ZRANB3: variants seen among roughly 807,000 people sequenced by gnomAD.
The protein encoded by ZRANB3 is zinc finger RANBP2-type containing 3, also known as DNA annealing helicase and endonuclease ZRANB3.
A neutral mutation model predicts 133.8 loss-of-function variants in ZRANB3; 125 were observed. That is an observed-to-expected ratio of 0.93 (90% CI 0.81 to 1.08). The LOEUF is 1.08. Ranked by LOEUF, ZRANB3 falls within the 50% of genes least tolerant of loss-of-function variation. The pLI, the probability that ZRANB3 is intolerant of heterozygous loss-of-function variation, is 0.00. For missense variants in ZRANB3, 1,229 were observed against 1,275.5 expected (o/e 0.96, Z 0.56); for synonymous variants, 387 against 432.7 (o/e 0.89, Z 1.31).
At chr2:135,510,822 C>T in intron 1 of ZRANB3, 1 of 850,310 alleles carries the variant, frequency 1.2e-6, no homozygotes, top group South Asian at 1.3e-5. Flanking sequence ...TAATTTCCCA[C>T]CACTGTTAAT....
At chr2:135,453,024 T>G (rs1195218994) in intron 2 of ZRANB3, among the ~76,000 whole-genome samples, 3 of 152,248 alleles carry the variant, frequency 2.0e-5, no homozygotes, top group African/African-American at 7.2e-5. Context: ...AACTTTTGCC[T>G]GGGCATGCGG....
chr2:135,287,436 G>GT (rs1436090766), intron 8 of ZRANB3, among the ~76,000 whole-genome samples: 2 of 152,018 alleles, frequency 1.3e-5, no homozygotes, highest in Non-Finnish European at 1.5e-5. Context: ...TTTTAGGATT[G>GT]TTTTTTCTAC....
intron 2 of ZRANB3, among the ~76,000 whole-genome samples, chr2:135,405,828 G>C (rs1307543572): frequency 6.6e-6 from 1 of 152,176 alleles, no homozygotes; most frequent in East Asian, 1.9e-4. Context: ...GCAGTGTGTA[G>C]AGGGAAATTT....
chr2:135,224,345 T>C lies in ZRANB3; in HGVS notation c.2250+81A>G, dbSNP rs535123179. The C allele has an allele frequency of 3.0e-5, 33 of 1,086,966 alleles. No individual in the cohort carries two copies. The South Asian group carries it at 5.7e-4, about 19-fold the overall frequency. 67.3% of individuals were successfully genotyped at this position (1,086,966 alleles called of 1,614,324 possible). On this transcript the variant is annotated intron_variant, in intron 15 of 20. Coordinates refer to ENST00000264159, the MANE Select transcript of ZRANB3 (RefSeq NM_032143.4). The stretch of plus-strand genomic sequence containing the variant: ...AACTAGATGCTTATCTCAATGTTAA[T>C]AAAATTAAGTATCTCCACTGAAAAG...
At chr2:135,249,434 C>T (rs1269291775) in intron 12 of ZRANB3, among the ~76,000 whole-genome samples, 4 of 152,168 alleles carry the variant, frequency 2.6e-5, no homozygotes, top group Admixed American at 1.3e-4. Context: ...AATGATATAA[C>T]GTCTTTTGTG....
intron 19 of ZRANB3, 65 bp downstream of exon 19, chr2:135,207,369 T>C (rs958829736): frequency 6.7e-7 from 1 of 1,493,174 alleles, no homozygotes. Flanking sequence ...ATGTACAAAA[T>C]AGAGAGTCAA....
intron 2 of ZRANB3, among the ~76,000 whole-genome samples, chr2:135,415,256 A>G (rs1688510267): frequency 1.3e-5 from 2 of 151,734 alleles, no homozygotes; most frequent in African/African-American, 4.8e-5. Flanking sequence ...TAGACGCAAT[A>G]AAAAATGATA....
chr2:135,303,294 C>T (rs921286077), intron 8 of ZRANB3, among the ~76,000 whole-genome samples: 1 of 151,940 alleles, frequency 6.6e-6, no homozygotes, highest in Non-Finnish European at 1.5e-5. Context: ...ATTGTCCTAC[C>T]CAAAAGTTGG....
In ZRANB3 at chr2:135,230,596, C is replaced by A. The variant is rs1558845921; in HGVS notation, c.1871G>T (p.Gly624Val). The A allele has an allele frequency of 1.2e-6, 2 of 1,607,154 alleles. No individual in the cohort carries two copies. The highest frequency in any genetic ancestry group is 1.7e-6 in the Non-Finnish European group (2 of 1,178,104). Residue 624 changes from glycine (G) to valine (V), a missense_variant, in exon 13 of 21, where the codon GGC becomes GTC. Transcript: ENST00000264159. Reference sequence around the variant, plus strand: ...ATAGGTGCAGAGACTACATTGCCAGCCCTCTACAGGAAAGGCTGGGGTGGT... The same window carrying A: ...ATAGGTGCAGAGACTACATTGCCAGACCTCTACAGGAAAGGCTGGGGTGGT... Reference protein sequence around the residue: ...QLTTPAFPVEGWQCSLCTYIN... With the variant: ...QLTTPAFPVEVWQCSLCTYIN...
intron 2 of ZRANB3, among the ~76,000 whole-genome samples, chr2:135,485,336 A>G (rs1692063366): frequency 6.6e-6 from 1 of 152,154 alleles, no homozygotes; most frequent in Non-Finnish European, 1.5e-5. Context: ...GTGCAGGAGA[A>G]GAGAAGCAGG....
At chr2:135,232,867 A>C (rs1695098845) in intron 12 of ZRANB3, among the ~76,000 whole-genome samples, 1 of 152,228 alleles carries the variant, frequency 6.6e-6, no homozygotes, top group Non-Finnish European at 1.5e-5. Flanking sequence ...AAAAACTGGA[A>C]ACTCTAAAAA....
chr2:135,337,087 C>T (rs1281619766), intron 6 of ZRANB3, among the ~76,000 whole-genome samples: 1 of 152,124 alleles, frequency 6.6e-6, no homozygotes, highest in Non-Finnish European at 1.5e-5. Context: ...TCCAGGAAGG[C>T]TCCTGGATTG....
chr2:135,345,691 T>A (rs1267503801), intron 5 of ZRANB3, 56 bp from the exon 6 acceptor site: 3 of 1,252,518 alleles, frequency 2.4e-6, no homozygotes, highest in Admixed American at 2.3e-5. Flanking sequence ...AAATTATTAT[T>A]ACAATGATAA....
At chr2:135,219,243 T>C (rs1408959009) in intron 15 of ZRANB3, 65 bp from the exon 16 acceptor site, 1 of 1,035,550 alleles carries the variant, frequency 9.7e-7, no homozygotes, top group Admixed American at 3.5e-5. Flanking sequence ...CTATTTTAAA[T>C]GAAAATAATT....
intron 2 of ZRANB3, among the ~76,000 whole-genome samples, chr2:135,406,861 T>G (rs1400651045): frequency 6.6e-6 from 1 of 152,080 alleles, no homozygotes; most frequent in Non-Finnish European, 1.5e-5. Context: ...CCACAGCCAA[T>G]ATCATACTGA....
At chr2:135,439,718 CAG>C (rs1389556424) in intron 2 of ZRANB3, among the ~76,000 whole-genome samples, 1 of 152,152 alleles carries the variant, frequency 6.6e-6, no homozygotes, top group Non-Finnish European at 1.5e-5. Context: ...AAACAACAAA[CAG>C]ATACCTAGCT....
chr2:135,308,142 C>G (rs1682791878), intron 8 of ZRANB3, among the ~76,000 whole-genome samples: 1 of 152,088 alleles, frequency 6.6e-6, no homozygotes, highest in African/African-American at 2.4e-5. Context: ...TCCTGTCCCC[C>G]ACCACTAACA....
intron 2 of ZRANB3, among the ~76,000 whole-genome samples, chr2:135,430,210 A>C (rs1398699329): frequency 1.3e-5 from 2 of 152,034 alleles, no homozygotes; most frequent in Admixed American, 6.6e-5. Flanking sequence ...AAACAAAAAA[A>C]ACAGGTACAA....
chr2:135,222,181 G>A (rs532136508), intron 15 of ZRANB3, among the ~76,000 whole-genome samples: 14 of 152,028 alleles, frequency 9.2e-5, no homozygotes, highest in African/African-American at 3.4e-4. Context: ...GAGGCAGGCA[G>A]ATCACGAAGT....
Sources: gnomAD v4.1 joint callset for allele counts (sites outside exome capture counted in the v4.1 genomes callset) on GRCh38, gnomAD v4.1.1 for gene constraint, MANE v1.5 for transcripts, NCBI Gene and HGNC (gene_info 2026-07-23, HGNC 2026-07-21) for gene names.